Variants in RNF213 observed in about 807,000 individuals in gnomAD.
RNF213 encodes ring finger protein 213, also known as E3 ubiquitin-protein ligase RNF213.
In RNF213, 341 loss-of-function variants were observed where a neutral mutation model predicts 514.4. That is an observed-to-expected ratio of 0.66 (90% confidence interval 0.61 to 0.73). The LOEUF is 0.73. Ranked by LOEUF, RNF213 falls within the 30% of genes least tolerant of loss-of-function variation. The pLI, the probability that RNF213 is intolerant of heterozygous loss-of-function variation, is 0.00. For missense variants in RNF213, 5,767 were observed against 6,615.6 expected, an observed-to-expected ratio of 0.87 and a Z score of 4.45; for synonymous variants, 2,655 against 2,658.2, an observed-to-expected ratio of 1.00 and a Z score of 0.04.
chr17:80,396,734 A>ACC lies in RNF213; in HGVS notation c.*3247_*3248dup, dbSNP rs58866280. 3 of 68,898 alleles carry ACC rather than the reference A, an allele frequency of 4.4e-5. No individual in the cohort carries two copies. Among genetic ancestry groups the ACC allele is most frequent in the South Asian group, 1.4e-3 (2 of 1,438 alleles). The allele number at this position is 68,898 out of a possible 1,614,324, so 4.3% of individuals were successfully genotyped here. On this transcript the variant is annotated 3_prime_UTR_variant, in exon 68 of 68. Coordinates refer to ENST00000582970, the MANE Select transcript of RNF213 (RefSeq NM_001256071.3). Reference sequence around the variant, plus strand: ...CGCCAGGAAAGTGCATTTCCCCCCCACCCCCCCCCCCCAACCAGAGCAACT... The same window carrying ACC: ...CGCCAGGAAAGTGCATTTCCCCCCCACCCCCCCCCCCCCCAACCAGAGCAACT...
chr17:80,290,404 TGTG>T (rs960574820), intron 6 of RNF213, among the ~76,000 whole-genome samples, 163 bp from the exon 7 acceptor site: 30 of 137,808 alleles, frequency 2.2e-4, no homozygotes, highest in African/African-American at 8.9e-4. Flanking sequence ...TACGTGTGCT[TGTG>T]TGTGTGCGTG....
rs1379059552 is a variant in RNF213, at chr17:80,348,032, G to A, written c.9697G>A (p.Val3233Ile). ...SDACASVVLQ[V>I]IERQGPRALT... ...CGCCTGCGCGTCTGTGGTGCTGCAG[G>A]TCATAGAGAGGCAGGGTCCCCGGGC... is the stretch of plus-strand genomic sequence containing the variant. The change falls in exon 29 of 68, where the codon GTC (valine) becomes ATC (isoleucine). Residue 3233 changes from valine to isoleucine, a missense_variant. Physicochemically the swap from Val to Ile is conservative, Grantham distance 29 (BLOSUM62 3). Coordinates refer to ENST00000582970, the MANE Select transcript of RNF213 (RefSeq NM_001256071.3). 1.2e-6 allele frequency: 2 copies of A among 1,614,104 alleles called. No individual in the cohort carries two copies. The highest frequency in any genetic ancestry group is 1.7e-6 in the Non-Finnish European group (2 of 1,180,054).
At position 80,348,256 on chromosome 17, in the gene RNF213, A is replaced by G. The variant is rs1379008707; in HGVS notation, c.9921A>G (p.Ala3307=). The change falls in exon 29 of 68, where the codon GCA becomes GCG. Residue 3307 remains alanine, a synonymous_variant. Transcript: ENST00000582970. The part of the protein sequence containing the change: ...ADFLQAHLHT[A]DLERHAIFTE... ...TCCTTCAGGCACACCTGCACACGGC[A>G]GACCTGGAGCGCCACGCCATCTTCA... 1 of 1,613,820 alleles carries G rather than the reference A, an allele frequency of 6.2e-7. No homozygotes were observed. Among genetic ancestry groups the G allele is most frequent in the Non-Finnish European group, 8.5e-7 (1 of 1,180,046 alleles).
At chr17:80,350,467 T>A (rs1275538638) in intron 31 of RNF213, 71 bp downstream of exon 31, 2 of 950,240 alleles carry the variant, frequency 2.1e-6, no homozygotes, top group Non-Finnish European at 3.4e-6. Context: ...GAGAATTTTT[T>A]CCTTGAAGAC....
intron 54 of RNF213, among the ~76,000 whole-genome samples, chr17:80,379,058 C>T (rs1466425292): frequency 2.8e-5 from 4 of 145,132 alleles, no homozygotes; most frequent in South Asian, 4.1e-4. Flanking sequence ...TGCGTGCATG[C>T]GTGCATGCGT....
intron 17 of RNF213, among the ~76,000 whole-genome samples, chr17:80,321,965 C>G (rs1178326156): frequency 6.6e-6 from 1 of 152,040 alleles, no homozygotes; most frequent in Admixed American, 6.6e-5. Context: ...ACCTCATGAT[C>G]CACATGCCTT....
In RNF213 at chr17:80,329,492, G is replaced by A. The variant is rs992509610; in HGVS notation, c.3517+1015G>A. ...TTCTTGAAGCTCTTGAGCTCTTTCT[G>A]TTACTCATATTCTGAAATAATAACG... On this transcript the variant is annotated intron_variant, in intron 20 of 67. Coordinates refer to ENST00000582970, the MANE Select transcript of RNF213 (RefSeq NM_001256071.3). Among the ~76,000 whole-genome samples, 5 of 152,164 alleles carry A rather than the reference G, an allele frequency of 3.3e-5. No homozygotes were observed. In the South Asian group the frequency reaches 1.0e-3, roughly 32 times the overall value.
At chr17:80,330,020 G>A (rs565690105) in intron 20 of RNF213, among the ~76,000 whole-genome samples, 100 of 152,012 alleles carry the variant, frequency 6.6e-4, no homozygotes, top group African/African-American at 2.3e-3. Context: ...TTTTTCTCTC[G>A]GATTTTCTAT....
chr17:80,332,737 A>G (rs2143981277), intron 21 of RNF213, 106 bp downstream of exon 21: 3 of 1,292,302 alleles, frequency 2.3e-6, no homozygotes, highest in Middle Eastern at 2.8e-4. Context: ...GATGACTTAG[A>G]GCTTCCGTCA....
At chr17:80,294,288 A>G (rs1598942196) in intron 8 of RNF213, among the ~76,000 whole-genome samples, 1 of 152,252 alleles carries the variant, frequency 6.6e-6, no homozygotes, top group South Asian at 2.1e-4. Flanking sequence ...TCCCGTTCCT[A>G]GTACAGAGGA....
chr17:80,354,798 A>G lies in RNF213; in HGVS notation c.10862+222A>G, dbSNP rs992681590. 10 of 599,732 alleles carry G rather than the reference A, an allele frequency of 1.7e-5. No individual in the cohort carries two copies. The African/African-American group carries it at 1.7e-4, about 10-fold the overall frequency. The allele number at this position is 599,732 out of a possible 1,614,324, so 37.2% of individuals were successfully genotyped here. A position where few individuals can be genotyped will look rare whatever the true frequency, so the allele number is the denominator to read the frequency against. On this transcript the variant is annotated intron_variant, in intron 36 of 67. Transcript: ENST00000582970. ...ACTCTTCCTCTAATTTCGTGTTTACAGTTTTTCATACTAAAAACTTAAAAA... is the reference window on the plus strand; with the variant it reads ...ACTCTTCCTCTAATTTCGTGTTTACGGTTTTTCATACTAAAAACTTAAAAA...
At chr17:80,281,626 AC>A (rs1424580301) in intron 3 of RNF213, among the ~76,000 whole-genome samples, 8 of 94,054 alleles carry the variant, frequency 8.5e-5, no homozygotes, top group African/African-American at 2.8e-4. Context: ...ACTCACACAC[AC>A]CCCCAACACA....
rs777130780 is a variant in RNF213 at position 80,368,009 on chromosome 17, C to T, written c.12021C>T (p.Pro4007=). 4.5e-5 allele frequency: 72 copies of T among 1,614,122 alleles called. No individual in the cohort carries two copies. In the Middle Eastern group the frequency reaches 9.9e-4, roughly 22 times the overall value. ...TCTGCCTGGGAGATGCAAAGGACCCCGTCTGTCTGCCCTGCGACCACGTGC... is the reference window on the plus strand; with the variant it reads ...TCTGCCTGGGAGATGCAAAGGACCCTGTCTGTCTGCCCTGCGACCACGTGC... ...CSICLGDAKD[P]VCLPCDHVHC... Residue 4007 remains proline (P), a synonymous_variant, in exon 44 of 68, where the codon CCC becomes CCT. Coordinates refer to ENST00000582970, the MANE Select transcript of RNF213 (RefSeq NM_001256071.3).
chr17:80,370,045 T>C (rs905586840), intron 46 of RNF213, among the ~76,000 whole-genome samples, 178 bp downstream of exon 46: 5 of 152,178 alleles, frequency 3.3e-5, no homozygotes, highest in African/African-American at 7.2e-5. Flanking sequence ...TTTTCACATA[T>C]AGGCACATGA....
chr17:80,323,405 A>G (rs929480950), intron 17 of RNF213, among the ~76,000 whole-genome samples: 1 of 152,216 alleles, frequency 6.6e-6, no homozygotes, highest in African/African-American at 2.4e-5. Flanking sequence ...TAGAATCAGT[A>G]TGTCAGTTTC....
chr17:80,381,420 C>T (rs370959441), intron 56 of RNF213, 127 bp from the exon 57 acceptor site: 29 of 980,928 alleles, frequency 3.0e-5, no homozygotes, highest in Non-Finnish European at 3.7e-5. Flanking sequence ...ATCACTCCGC[C>T]GTTTTCATCT....
Position 80,327,751 on chromosome 17 carries a change from C to G in RNF213, c.3194-65C>G, listed in dbSNP as rs893297228. On this transcript the variant is annotated intron_variant, in intron 18 of 67. Transcript: ENST00000582970. ...AACAAGAGGTTATCTGGAATTCCCACGGTAACGGCAAAGAGGCAGGAGGTG... is the reference window on the plus strand; with the variant it reads ...AACAAGAGGTTATCTGGAATTCCCAGGGTAACGGCAAAGAGGCAGGAGGTG... 7 of 1,375,408 alleles carry G rather than the reference C, an allele frequency of 5.1e-6. No individual in the cohort carries two copies. The African/African-American group carries it at 7.2e-5, about 14-fold the overall frequency. 85.2% of individuals were successfully genotyped at this position (1,375,408 alleles called of 1,614,324 possible).
intron 3 of RNF213, among the ~76,000 whole-genome samples, chr17:80,286,807 ACCCCTGAGTACTGC>A (rs1329835909): frequency 1.3e-5 from 2 of 151,772 alleles, no homozygotes; most frequent in Non-Finnish European, 2.9e-5. Context: ...ATCCACACGC[ACCCCTGAGTACTGC>A]CCCCTGGGAG....
Position 80,368,137 on chromosome 17 carries a change from C to A in RNF213, c.12149C>A (p.Ala4050Glu), listed in dbSNP as rs774588883. Residue 4050 changes from alanine (A) to glutamate (E), a missense_variant, in exon 44 of 68, where the codon GCG becomes GAG. Ala to Glu is a moderately radical substitution (Grantham distance 107). Coordinates refer to ENST00000582970, the MANE Select transcript of RNF213 (RefSeq NM_001256071.3). ...PDEFSPAVSQ[A>E]HREAIEKHAR... ...GAATTCTCTCCAGCTGTTTCCCAAG[C>A]GCACAGGTACAACACCCTTTCTCTC... The A allele has an allele frequency of 1.9e-6, 3 of 1,614,182 alleles. No homozygotes were observed. The South Asian group carries it at 3.3e-5, about 18-fold the overall frequency.
Sources: allele counts gnomAD v4.1 joint callset (sites outside exome capture counted in the v4.1 genomes callset), GRCh38; gene constraint gnomAD v4.1.1; transcripts MANE v1.5; gene names NCBI Gene and HGNC (gene_info 2026-07-23, HGNC 2026-07-21).